Variants in ZMYM4 observed in about 807,000 individuals in gnomAD.
ZMYM4 encodes the protein zinc finger MYM-type protein 4.
Under a neutral mutation model 183.2 loss-of-function variants are expected in ZMYM4, and 31 were observed. The observed-to-expected ratio is 0.17, with a 90% CI of 0.13 to 0.23. ZMYM4 has a LOEUF of 0.23. Ranked by LOEUF, ZMYM4 falls within the 10% of genes least tolerant of loss-of-function variation. The pLI is 1.00. For missense variants in ZMYM4, 1,273 were observed against 1,840.3 expected (o/e 0.69, Z 5.64); for synonymous variants, 592 against 631.2 (o/e 0.94, Z 0.93).
chr1:35,393,814 C>T (rs1384844084), intron 18 of ZMYM4, 75 bp downstream of exon 18: 1 of 1,440,800 alleles, frequency 6.9e-7, no homozygotes, highest in Admixed American at 2.3e-5. Flanking sequence ...CATTGAGTAC[C>T]TGCTATTTCC....
intron 2 of ZMYM4, among the ~76,000 whole-genome samples, chr1:35,350,464 T>G (rs1643563012): frequency 6.6e-6 from 1 of 152,116 alleles, no homozygotes; most frequent in Admixed American, 6.6e-5. Context: ...AATTTTTCTA[T>G]TTTTAGTAAG....
intron 26 of ZMYM4, among the ~76,000 whole-genome samples, chr1:35,411,332 T>C (rs1020005617): frequency 1.7e-4 from 26 of 151,830 alleles, no homozygotes; most frequent in African/African-American, 6.3e-4. Flanking sequence ...TTTTTTTGTA[T>C]TTTTAGTAGA....
At chr1:35,355,033 TTTTA>T (rs977603742) in intron 2 of ZMYM4, among the ~76,000 whole-genome samples, 8 of 151,458 alleles carry the variant, frequency 5.3e-5, no homozygotes, top group Admixed American at 1.3e-4. Flanking sequence ...TATTTTTTAT[TTTTA>T]TTTATTTTTT....
chr1:35,343,429 G>T (rs986907867), intron 2 of ZMYM4, among the ~76,000 whole-genome samples: 24 of 150,270 alleles, frequency 1.6e-4, no homozygotes, highest in Middle Eastern at 3.4e-3. Flanking sequence ...TTTTTTTTTT[G>T]GATTGATTTA....
intron 2 of ZMYM4, among the ~76,000 whole-genome samples, chr1:35,357,509 A>G (rs995522589): frequency 2.0e-5 from 3 of 152,210 alleles, no homozygotes; most frequent in African/African-American, 7.2e-5. Flanking sequence ...GAATTAGTAT[A>G]CCTTTGAAGG....
intron 5 of ZMYM4, 137 bp downstream of exon 5, chr1:35,361,926 T>A: frequency 8.7e-7 from 1 of 1,146,246 alleles, no homozygotes; most frequent in Non-Finnish European, 1.2e-6. Context: ...TGAGGCGATT[T>A]GAATTACCAT....
intron 1 of ZMYM4, among the ~76,000 whole-genome samples, chr1:35,283,642 G>A (rs1462694261): frequency 6.6e-6 from 1 of 151,820 alleles, no homozygotes; most frequent in Non-Finnish European, 1.5e-5. Context: ...CGGCCTTGAA[G>A]TGGTATCTTA....
intron 19 of ZMYM4, chr1:35,397,072 AC>A (rs1558165705): frequency 3.8e-6 from 4 of 1,043,346 alleles, no homozygotes; most frequent in South Asian, 9.0e-5. Context: ...CTTAAAGGAA[AC>A]AGTTATGAGA....
At chr1:35,297,936 A>T (rs777493027) in intron 1 of ZMYM4, among the ~76,000 whole-genome samples, 2 of 152,248 alleles carry the variant, frequency 1.3e-5, no homozygotes, top group Non-Finnish European at 2.9e-5. Context: ...GGAAAGTTTA[A>T]CATAAAGAAT....
chr1:35,401,588 A>C (rs967898978), intron 23 of ZMYM4, among the ~76,000 whole-genome samples: 25 of 151,980 alleles, frequency 1.6e-4, no homozygotes, highest in African/African-American at 6.0e-4. Context: ...TTATTTTCTT[A>C]ATGATGAGTA....
chr1:35,306,401 A>C (rs1232609055), intron 1 of ZMYM4, among the ~76,000 whole-genome samples: 1 of 152,042 alleles, frequency 6.6e-6, no homozygotes, highest in African/African-American at 2.4e-5. Context: ...GAATTCTTTA[A>C]TCAGTGTGTC....
rs758190992 is a variant in ZMYM4, at chr1:35,387,568, C to G, written c.2227C>G (p.Arg743Gly). The G allele has an allele frequency of 1.2e-6, 2 of 1,613,516 alleles. No individual in the cohort carries two copies. Among genetic ancestry groups the G allele is most frequent in the Admixed American group, 3.3e-5 (2 of 59,916 alleles). Residue 743 changes from arginine (R) to glycine (G), a missense_variant, in exon 13 of 30, where the codon CGG (arginine) becomes GGG (glycine). Coordinates refer to ENST00000314607, the MANE Select transcript of ZMYM4 (RefSeq NM_005095.3). ...KIEKIVKETV[R>G]FSGADKSFCS... ...TGAGAAAATTGTAAAGGAGACTGTT[C>G]GGTTCTCAGGTGCTGACAAGTCATT... is the stretch of plus-strand genomic sequence containing the variant.
chr1:35,299,401 T>C (rs757102525), intron 1 of ZMYM4, among the ~76,000 whole-genome samples: 1 of 151,976 alleles, frequency 6.6e-6, no homozygotes, highest in Non-Finnish European at 1.5e-5. Context: ...AACTTCACAG[T>C]GTGGGAGCTG....
chr1:35,381,120 AT>A (rs1037502960), intron 7 of ZMYM4, 138 bp from the exon 8 acceptor site: 1 of 674,084 alleles, frequency 1.5e-6, no homozygotes, highest in African/African-American at 1.8e-5. Context: ...CTCCCAGAAA[AT>A]TAAAGTTTTT....
intron 9 of ZMYM4, among the ~76,000 whole-genome samples, chr1:35,383,878 C>T (rs903395431): frequency 3.3e-5 from 5 of 152,138 alleles, no homozygotes; most frequent in Admixed American, 6.5e-5. Context: ...AGCAGTTAAG[C>T]TCCCTGAGTC....
chr1:35,281,867 GAA>G (rs1192623031), intron 1 of ZMYM4, among the ~76,000 whole-genome samples: 1 of 152,096 alleles, frequency 6.6e-6, no homozygotes, highest in Non-Finnish European at 1.5e-5. Flanking sequence ...CTGTGTCTAT[GAA>G]GTTGCCTATT....
chr1:35,351,015 T>C, intron 2 of ZMYM4: 2 of 888,174 alleles, frequency 2.3e-6, no homozygotes, highest in Non-Finnish European at 1.8e-6. Context: ...TGCAGCGCAT[T>C]GTACTGGCCT....
chr1:35,293,081 G>T (rs546456622), intron 1 of ZMYM4, among the ~76,000 whole-genome samples: 1 of 149,922 alleles, frequency 6.7e-6, no homozygotes, highest in Non-Finnish European at 1.5e-5. Context: ...ACTTTCTACA[G>T]CCTCTAACCC....
intron 2 of ZMYM4, among the ~76,000 whole-genome samples, chr1:35,325,624 TATC>T (rs1324986141): frequency 3.3e-5 from 5 of 152,182 alleles, no homozygotes; most frequent in Non-Finnish European, 7.4e-5. Context: ...TTCTCATAGT[TATC>T]ATATTAAAAT....
Sources: allele counts gnomAD v4.1 joint callset (sites outside exome capture counted in the v4.1 genomes callset), GRCh38; gene constraint gnomAD v4.1.1; transcripts MANE v1.5; gene names NCBI Gene and HGNC (gene_info 2026-07-23, HGNC 2026-07-21).